Variants in ANKS1B observed in about 807,000 individuals in gnomAD.
ANKS1B encodes the protein ankyrin repeat and sterile alpha motif domain containing 1B.
A neutral mutation model predicts 148.3 loss-of-function variants in ANKS1B; 36 were observed. That is an observed-to-expected ratio of 0.24 (90% CI 0.19 to 0.32). The LOEUF (loss-of-function observed/expected upper bound fraction) is 0.32, where lower values mean the gene tolerates loss of function less well. Among genes scored for constraint, ANKS1B ranks in the 10% least tolerant of loss-of-function variants. ANKS1B has a pLI of 1.00. For synonymous variants in ANKS1B, 542 were observed against 560.8 expected (o/e 0.97, Z 0.47); for missense variants, 1,157 against 1,542.6 (o/e 0.75, Z 4.19).
chr12:98,910,526 G>A (rs2099785327), intron 17 of ANKS1B, among the ~76,000 whole-genome samples: 1 of 152,144 alleles, frequency 6.6e-6, no homozygotes, highest in South Asian at 2.1e-4. Flanking sequence ...AGAACATGCT[G>A]AAAGTTCAGA....
At chr12:99,613,515 G>A (rs1598124189) in intron 9 of ANKS1B, among the ~76,000 whole-genome samples, 1 of 152,034 alleles carries the variant, frequency 6.6e-6, no homozygotes, top group South Asian at 2.1e-4. Flanking sequence ...AGAATACCAT[G>A]CAGCCATAAA....
chr12:99,748,941 T>C (rs1033460106), intron 8 of ANKS1B, among the ~76,000 whole-genome samples: 5 of 152,100 alleles, frequency 3.3e-5, no homozygotes, highest in Admixed American at 2.6e-4. Flanking sequence ...GAGTAAAATA[T>C]TTGTAAAAGC....
In ANKS1B at chr12:98,935,569, G is replaced by A. The variant is rs150762857; in HGVS notation, c.2779-103433C>T. Reference sequence around the variant, plus strand: ...GATCGACATTAATTCTTCTTTAAATGTTTGGTAGAACTCACCAGTGAAGTA... The same window carrying A: ...GATCGACATTAATTCTTCTTTAAATATTTGGTAGAACTCACCAGTGAAGTA... On this transcript the variant is annotated intron_variant, in intron 17 of 26. Coordinates refer to ENST00000683438, the MANE Select transcript of ANKS1B (RefSeq NM_001352186.2). Among the ~76,000 whole-genome samples, 210 of 152,292 alleles carry A rather than the reference G, an allele frequency of 1.4e-3. 1 individual carries two copies. The highest frequency in any genetic ancestry group is 1.8e-3 in the Non-Finnish European group (124 of 68,022).
intron 17 of ANKS1B, among the ~76,000 whole-genome samples, chr12:98,995,161 A>G (rs2099928765): frequency 6.6e-6 from 1 of 152,200 alleles, no homozygotes; most frequent in Non-Finnish European, 1.5e-5. Context: ...AACCTTTACT[A>G]TTTTGATAAT....
intron 12 of ANKS1B, among the ~76,000 whole-genome samples, chr12:99,351,738 A>C (rs910195445): frequency 6.6e-6 from 1 of 152,080 alleles, no homozygotes; most frequent in Non-Finnish European, 1.5e-5. Flanking sequence ...AGAAGTATTA[A>C]AGTCCTCATG....
At chr12:98,863,945 T>C (rs1445917989) in intron 17 of ANKS1B, among the ~76,000 whole-genome samples, 2 of 152,206 alleles carry the variant, frequency 1.3e-5, no homozygotes, top group African/African-American at 4.8e-5. Context: ...AGATTTACCT[T>C]AGACATAAAC....
intron 17 of ANKS1B, among the ~76,000 whole-genome samples, chr12:98,907,990 A>G (rs1281480183): frequency 6.6e-6 from 1 of 152,090 alleles, no homozygotes; most frequent in Non-Finnish European, 1.5e-5. Flanking sequence ...CTTTTTCTTT[A>G]TAAATTACCC....
At chr12:99,210,194 A>G (rs574362801) in intron 14 of ANKS1B, among the ~76,000 whole-genome samples, 1 of 152,166 alleles carries the variant, frequency 6.6e-6, no homozygotes, top group East Asian at 1.9e-4. Flanking sequence ...GACCAAAATC[A>G]GCCAGAAGCC....
At chr12:99,383,173 A>C (rs181243899) in intron 12 of ANKS1B, among the ~76,000 whole-genome samples, 1 of 152,210 alleles carries the variant, frequency 6.6e-6, no homozygotes, top group Non-Finnish European at 1.5e-5. Flanking sequence ...CAAATCAGAT[A>C]TCATTCTGTT....
chr12:98,954,890 C>G (rs1490329390), intron 17 of ANKS1B, among the ~76,000 whole-genome samples: 1 of 152,148 alleles, frequency 6.6e-6, no homozygotes, highest in Non-Finnish European at 1.5e-5. Flanking sequence ...CGATAATGCT[C>G]AGGACATAGA....
chr12:99,100,128 A>G (rs1470817649), intron 15 of ANKS1B, among the ~76,000 whole-genome samples: 3 of 152,222 alleles, frequency 2.0e-5, no homozygotes, highest in Non-Finnish European at 4.4e-5. Context: ...TTACCTTTCC[A>G]AGTGGGTAGA....
intron 17 of ANKS1B, among the ~76,000 whole-genome samples, chr12:98,885,741 C>T (rs530728346): frequency 2.6e-5 from 4 of 152,116 alleles, no homozygotes; most frequent in Non-Finnish European, 4.4e-5. Context: ...TAAGGAAGCA[C>T]GGCCCAGGAA....
chr12:99,679,557 T>C (rs981644232), intron 8 of ANKS1B, among the ~76,000 whole-genome samples: 49 of 152,026 alleles, frequency 3.2e-4, no homozygotes, highest in Admixed American at 5.2e-4. Context: ...TGATCCGCCC[T>C]CCTCGGCCTC....
intron 11 of ANKS1B, among the ~76,000 whole-genome samples, chr12:99,426,675 A>G (rs910484104): frequency 5.3e-5 from 8 of 152,216 alleles, no homozygotes; most frequent in African/African-American, 1.9e-4. Context: ...ATCTTCTTTG[A>G]TGCATAAGTA....
chr12:99,002,391 T>C (rs1306809015), intron 17 of ANKS1B, among the ~76,000 whole-genome samples: 1 of 152,182 alleles, frequency 6.6e-6, no homozygotes, highest in Non-Finnish European at 1.5e-5. Flanking sequence ...AGATTGTATA[T>C]ATTTACAGCG....
At chr12:99,418,540 G>GT (rs1275124699) in intron 11 of ANKS1B, among the ~76,000 whole-genome samples, 1 of 152,032 alleles carries the variant, frequency 6.6e-6, no homozygotes, top group East Asian at 1.9e-4. Context: ...GTTTTGTTTT[G>GT]TTTTTTAGCT....
chr12:99,618,329 T>C (rs1405108455), intron 9 of ANKS1B, among the ~76,000 whole-genome samples: 2 of 152,158 alleles, frequency 1.3e-5, no homozygotes, highest in Non-Finnish European at 2.9e-5. Context: ...TGTTCATGGA[T>C]TGAAAGAATC....
chr12:99,142,976 A>G (rs1476434367), intron 15 of ANKS1B, among the ~76,000 whole-genome samples: 3 of 152,108 alleles, frequency 2.0e-5, no homozygotes, highest in African/African-American at 7.2e-5. Context: ...CTCTATCTCT[A>G]CAGGATTACA....
chr12:99,691,671 A>G (rs578232189), intron 8 of ANKS1B, among the ~76,000 whole-genome samples: 13 of 152,198 alleles, frequency 8.5e-5, no homozygotes, highest in Non-Finnish European at 1.3e-4. Flanking sequence ...AAGCCATTCA[A>G]TAAGTCTCTA....
Sources: allele counts gnomAD v4.1 joint callset (sites outside exome capture counted in the v4.1 genomes callset), GRCh38; gene constraint gnomAD v4.1.1; transcripts MANE v1.5; gene names NCBI Gene and HGNC (gene_info 2026-07-23, HGNC 2026-07-21).